CADM1: variants seen among roughly 807,000 people sequenced by gnomAD.
CADM1 encodes the protein cell adhesion molecule 1, also known as TSLC-1.
CADM1 carries 15 observed loss-of-function variants against 53.1 expected under a neutral mutation model. The observed-to-expected ratio is 0.28, with a 90% CI of 0.19 to 0.44. The LOEUF (loss-of-function observed/expected upper bound fraction) is 0.44. Among genes scored for constraint, CADM1 ranks in the 20% least tolerant of loss-of-function variants. The pLI, the probability that CADM1 is intolerant of heterozygous loss-of-function variation, is 1.00. For synonymous variants in CADM1, 281 were observed against 243.0 expected, an observed-to-expected ratio of 1.16 and a Z score of -1.45; for missense variants, 434 against 611.3, an observed-to-expected ratio of 0.71 and a Z score of 3.06.
At chr11:115,344,259 T>G (rs991829951) in intron 1 of CADM1, among the ~76,000 whole-genome samples, 7 of 46,892 alleles carry the variant, frequency 1.5e-4, no homozygotes, top group African/African-American at 6.3e-4. Context: ...ATCCATTCTA[T>G]ACAAATCACC....
intron 6 of CADM1, among the ~76,000 whole-genome samples, chr11:115,217,087 T>A (rs1260533263): frequency 6.6e-6 from 1 of 152,194 alleles, no homozygotes; most frequent in Non-Finnish European, 1.5e-5. Flanking sequence ...AACTTGTTTT[T>A]TTCTTTCCCC....
intron 1 of CADM1, among the ~76,000 whole-genome samples, chr11:115,381,639 T>G (rs75138658): frequency 6.6e-6 from 1 of 152,138 alleles, no homozygotes; most frequent in African/African-American, 2.4e-5. Context: ...TCGGTTGTTA[T>G]AGGGATTAAA....
chr11:115,291,266 TTC>T (rs1943895374), intron 1 of CADM1, among the ~76,000 whole-genome samples: 1 of 152,212 alleles, frequency 6.6e-6, no homozygotes, highest in Non-Finnish European at 1.5e-5. Context: ...ATTCTGAATT[TTC>T]TCTTTGTGTG....
intron 1 of CADM1, among the ~76,000 whole-genome samples, chr11:115,400,673 A>G (rs1430108094): frequency 0.022 from 767 of 35,110 alleles, 6 homozygotes; most frequent in African/African-American, 0.043. Context: ...ATATATATAT[A>G]TATATATATA....
chr11:115,410,783 T>C (rs1414863928), intron 1 of CADM1, among the ~76,000 whole-genome samples: 1 of 152,180 alleles, frequency 6.6e-6, no homozygotes, highest in African/African-American at 2.4e-5. Context: ...GAGTAAAATC[T>C]GTGCATTCCA....
intron 10 of CADM1, among the ~76,000 whole-genome samples, chr11:115,189,224 T>C (rs1939723677): frequency 6.6e-6 from 1 of 152,144 alleles, no homozygotes; most frequent in Non-Finnish European, 1.5e-5. Context: ...TTGATAGAAC[T>C]GCAGCAGGGA....
chr11:115,398,310 C>T (rs1591778588), intron 1 of CADM1, among the ~76,000 whole-genome samples: 1 of 152,200 alleles, frequency 6.6e-6, no homozygotes, highest in Admixed American at 6.5e-5. Context: ...TCTGAATGTG[C>T]AATGAACTGT....
At chr11:115,349,139 G>T (rs79394950) in intron 1 of CADM1, among the ~76,000 whole-genome samples, 1 of 152,024 alleles carries the variant, frequency 6.6e-6, no homozygotes, top group Non-Finnish European at 1.5e-5. Flanking sequence ...TATATGTGTC[G>T]CTCCTTTCTA....
rs1310417030 is a variant in CADM1, at chr11:115,340,652, A to ATT, written c.125-100233_125-100232insAA. On this transcript the variant is annotated intron_variant, in intron 1 of 11. Transcript: ENST00000331581. ...TATATATATATATATATATATATAT[A>ATT]TATATATTTTTTTTTTTTTTTTTTT... 3.4e-4 allele frequency among the ~76,000 whole-genome samples: 14 copies of ATT among 40,814 alleles called. 1 individual carries two copies. The highest frequency in any genetic ancestry group is 8.7e-4 in the African/African-American group (9 of 10,396). 26.8% of individuals were successfully genotyped at this position (40,814 alleles called of 152,430 possible).
chr11:115,175,233 T>G lies in CADM1; in HGVS notation c.*1241A>C. ...GTGAGAACAATACCAGCCCTTCTTT[T>G]GTACCTCCTGCCTTTGTCAAGCCAA... is the stretch of plus-strand genomic sequence containing the variant. On this transcript the variant is annotated 3_prime_UTR_variant, in exon 12 of 12. Transcript: ENST00000331581. The G allele has an allele frequency of 4.1e-6, 4 of 985,850 alleles. No individual in the cohort carries two copies. Among genetic ancestry groups the G allele is most frequent in the Non-Finnish European group, 3.6e-6 (3 of 829,950 alleles). 61.1% of individuals were successfully genotyped at this position (985,850 alleles called of 1,614,324 possible).
intron 1 of CADM1, among the ~76,000 whole-genome samples, chr11:115,252,043 G>A (rs761313205): frequency 4.6e-5 from 7 of 152,170 alleles, no homozygotes; most frequent in Admixed American, 1.3e-4. Context: ...TGAAATTAGA[G>A]ATAAGTGAGA....
rs7103350 is a variant in CADM1, at chr11:115,350,195, T to A, written c.125-109775A>T. ...CACGTTGGTCAGGCTGGTCTCGAAC[T>A]CCCAACTTCAGGTGATGCACCCGCC... On this transcript the variant is annotated intron_variant, in intron 1 of 11. Transcript: ENST00000331581. 3.9e-3 allele frequency among the ~76,000 whole-genome samples: 597 copies of A among 152,284 alleles called. 3 individuals carry two copies. Among genetic ancestry groups the A allele is most frequent in the African/African-American group, 0.014 (567 of 41,564 alleles).
At chr11:115,246,677 T>C (rs1942418123) in intron 1 of CADM1, among the ~76,000 whole-genome samples, 1 of 152,228 alleles carries the variant, frequency 6.6e-6, no homozygotes, top group Admixed American at 6.5e-5. Flanking sequence ...ATAACACCTT[T>C]GATTCATTGC....
chr11:115,258,704 G>A (rs1942871973), intron 1 of CADM1, among the ~76,000 whole-genome samples: 1 of 152,178 alleles, frequency 6.6e-6, no homozygotes, highest in Non-Finnish European at 1.5e-5. Context: ...TAAGATATCT[G>A]AGTTCTTTGG....
At chr11:115,476,888 C>T (rs115357504) in intron 1 of CADM1, among the ~76,000 whole-genome samples, 1,697 of 152,212 alleles carry the variant, frequency 0.011, 27 homozygotes, top group African/African-American at 0.038. Context: ...AGATGACACT[C>T]AAGAAATACA....
Position 115,209,558 on chromosome 11 carries a change from A to C in CADM1, c.1078+16T>G. On this transcript the variant is annotated intron_variant, in intron 8 of 11. Transcript: ENST00000331581. ...ATACATTCAGGACATTTTCAATGGT[A>C]ATGAAGATACCATACCTGTGATGAT... 1 of 1,611,968 alleles carries C rather than the reference A, an allele frequency of 6.2e-7. No individual in the cohort carries two copies. Among genetic ancestry groups the C allele is most frequent in the Non-Finnish European group, 8.5e-7 (1 of 1,179,070 alleles).
At chr11:115,419,697 G>A (rs1020060362) in intron 1 of CADM1, among the ~76,000 whole-genome samples, 3 of 152,100 alleles carry the variant, frequency 2.0e-5, no homozygotes, top group Non-Finnish European at 4.4e-5. Context: ...GAGCCCCTGA[G>A]ACTCAATAAT....
intron 6 of CADM1, among the ~76,000 whole-genome samples, chr11:115,215,659 A>G (rs1184071440): frequency 6.6e-6 from 1 of 152,228 alleles, no homozygotes; most frequent in African/African-American, 2.4e-5. Flanking sequence ...AGCAAATTTC[A>G]TAAGATTCGC....
intron 1 of CADM1, among the ~76,000 whole-genome samples, chr11:115,303,068 C>T (rs1204684943): frequency 6.6e-6 from 1 of 152,058 alleles, no homozygotes; most frequent in African/African-American, 2.4e-5. Flanking sequence ...CTGGATTCTA[C>T]CTCATCCCCC....
Sources: gnomAD v4.1 joint callset for allele counts (sites outside exome capture counted in the v4.1 genomes callset) on GRCh38, gnomAD v4.1.1 for gene constraint, MANE v1.5 for transcripts, NCBI Gene and HGNC (gene_info 2026-07-23, HGNC 2026-07-21) for gene names.